Variants in TGM5 observed in about 807,000 individuals in gnomAD.
TGM5 encodes the protein protein-glutamine gamma-glutamyltransferase 5.
A neutral mutation model predicts 77.2 loss-of-function variants in TGM5; 69 were observed. The ratio of observed to expected loss-of-function variants is 0.89; its 90% CI spans 0.74 to 1.09. The LOEUF is 1.09. Among genes scored for constraint, TGM5 ranks in the 50% least tolerant of loss-of-function variants. TGM5 has a pLI of 0.00. For synonymous variants in TGM5, 346 were observed against 351.8 expected, an observed-to-expected ratio of 0.98 and a Z score of 0.18; for missense variants, 842 against 896.5, an observed-to-expected ratio of 0.94 and a Z score of 0.78.
At position 43,246,900 on chromosome 15, in the gene TGM5, T is replaced by C. The variant is rs192075926; in HGVS notation, c.862+5859A>G. On this transcript the variant is annotated intron_variant, in intron 6 of 12. Coordinates refer to ENST00000220420, the MANE Select transcript of TGM5 (RefSeq NM_201631.4). The stretch of plus-strand genomic sequence containing the variant: ...TAGTGGGGCTAAATTAAGCTTAGGG[T>C]AAAGACTGCTCTGGAGCCATCATAA... Among the ~76,000 whole-genome samples the C allele has an allele frequency of 1.2e-3, 179 of 152,094 alleles. 1 individual carries two copies. The highest frequency in any genetic ancestry group is 2.2e-4 in the Non-Finnish European group (15 of 67,988).
At chr15:43,255,913 G>A (rs1292603850) in intron 4 of TGM5, among the ~76,000 whole-genome samples, 1 of 152,230 alleles carries the variant, frequency 6.6e-6, no homozygotes, top group African/African-American at 2.4e-5. Flanking sequence ...AAAACAAAAT[G>A]TAGAGGAACA....
At position 43,234,575 on chromosome 15, in the gene TGM5, CATAG is replaced by C. The variant is rs537696595; in HGVS notation, c.1875+190_1875+193del. Among the ~76,000 whole-genome samples the C allele has an allele frequency of 4.1e-4, 63 of 152,320 alleles. No homozygotes were observed. In the South Asian group the frequency reaches 0.012, roughly 30 times the overall value. On this transcript the variant is annotated intron_variant, in intron 11 of 12. Coordinates refer to ENST00000220420, the MANE Select transcript of TGM5 (RefSeq NM_201631.4). ...CATGGCACCTGCTCAAGGACCCATCCATAGGGCCTCTAGTGAGTGGTGCAAGAGG... is the reference window on the plus strand; with the variant it reads ...CATGGCACCTGCTCAAGGACCCATCCGGCCTCTAGTGAGTGGTGCAAGAGG...
Position 43,250,267 on chromosome 15 carries a change from CTCA to C in TGM5, c.862+2489_862+2491del, listed in dbSNP as rs2042695249. ...GACCCTAACTGATGCTTCCTGAACACTCACTATAGCCAGGCACTATTCTAAGCA... is the reference window on the plus strand; with the variant it reads ...GACCCTAACTGATGCTTCCTGAACACCTATAGCCAGGCACTATTCTAAGCA... On this transcript the variant is annotated intron_variant, in intron 6 of 12. Transcript: ENST00000220420. Among the ~76,000 whole-genome samples the C allele has an allele frequency of 2.6e-5, 4 of 152,192 alleles. No homozygotes were observed. In the South Asian group the frequency reaches 6.2e-4, roughly 24 times the overall value.
At chr15:43,253,461 C>CAGCG (rs1395259700) in intron 5 of TGM5, 45 bp downstream of exon 5, 7 of 1,604,582 alleles carry the variant, frequency 4.4e-6, no homozygotes, top group Admixed American at 1.7e-5. Context: ...GGCAGGGCTC[C>CAGCG]CGCTGCACAG....
chr15:43,258,497 C>T (rs1324024789), intron 3 of TGM5, among the ~76,000 whole-genome samples: 1 of 152,210 alleles, frequency 6.6e-6, no homozygotes, highest in Non-Finnish European at 1.5e-5. Context: ...CTCTGTCTGA[C>T]CCTGAGGGAA....
chr15:43,234,889 G>T lies in TGM5; in HGVS notation c.1755C>A (p.Ser585Arg). 2 of 1,614,194 alleles carry T rather than the reference G, an allele frequency of 1.2e-6. No individual in the cohort carries two copies. Among genetic ancestry groups the T allele is most frequent in the Non-Finnish European group, 1.7e-6 (2 of 1,180,022 alleles). ...YPCKISYSQY[S>R]QYLSTDKLIR... ...TCAGCTTGTCTGTTGACAGGTACTG[G>T]CTGTACTGGGAATAGGAGATTTTGC... The change falls in exon 11 of 13, where the codon AGC (serine) becomes AGA (arginine). Residue 585 changes from serine (S) to arginine (R), a missense_variant. Transcript: ENST00000220420.
intron 9 of TGM5, 140 bp downstream of exon 9, chr15:43,238,677 C>T: frequency 7.3e-7 from 1 of 1,364,652 alleles, no homozygotes; most frequent in Non-Finnish European, 1.0e-6. Flanking sequence ...TGTGAGGCCA[C>T]CCCAACTGGG....
At chr15:43,256,942 C>G (rs894790244) in intron 3 of TGM5, among the ~76,000 whole-genome samples, 10 of 152,186 alleles carry the variant, frequency 6.6e-5, no homozygotes, top group African/African-American at 2.4e-4. Context: ...TACATCCTAT[C>G]CCCATTTTAA....
chr15:43,249,916 G>T (rs2042693145), intron 6 of TGM5, among the ~76,000 whole-genome samples: 1 of 152,248 alleles, frequency 6.6e-6, no homozygotes, highest in Non-Finnish European at 1.5e-5. Flanking sequence ...GAGGGGAGAT[G>T]CATGTCTGAG....
intron 3 of TGM5, among the ~76,000 whole-genome samples, chr15:43,257,409 A>C (rs990696110): frequency 1.3e-5 from 2 of 152,240 alleles, no homozygotes; most frequent in Non-Finnish European, 2.9e-5. Context: ...ATTTTTATAC[A>C]TATACACATA....
intron 7 of TGM5, among the ~76,000 whole-genome samples, chr15:43,239,899 C>T (rs1035716824): frequency 1.1e-4 from 16 of 152,124 alleles, no homozygotes; most frequent in Non-Finnish European, 2.4e-4. Context: ...GAGGTAAGGC[C>T]GTCCTGTGGT....
At chr15:43,251,731 T>G (rs2042704777) in intron 6 of TGM5, among the ~76,000 whole-genome samples, 1 of 152,154 alleles carries the variant, frequency 6.6e-6, no homozygotes, top group Non-Finnish European at 1.5e-5. Context: ...GCCTCCTCCT[T>G]TCACCTCCAT....
Position 43,252,914 on chromosome 15 carries a change from C to G in TGM5, c.707G>C (p.Gly236Ala), listed in dbSNP as rs144638889. The change falls in exon 6 of 13, where the codon GGG becomes GCG. Residue 236 changes from glycine (G) to alanine (A), a missense_variant. Around this residue, in one of 2 missense-constraint regions of TGM5, gnomAD observed 815 missense variants for 844.6 expected, o/e 0.96. Transcript: ENST00000220420. The stretch of plus-strand genomic sequence containing the variant: ...CTCACTCCAGTTTCCATTGAGCACC[C>G]CATTATCATCATTGCTGTTGATCTG... ...CAMINSNDDN[G>A]VLNGNWSENY... 1.2e-6 allele frequency: 2 copies of G among 1,613,514 alleles called. No individual in the cohort carries two copies. The highest frequency in any genetic ancestry group is 1.3e-5 in the African/African-American group (1 of 75,022).
chr15:43,260,187 C>G lies in TGM5; in HGVS notation c.301G>C (p.Glu101Gln). 1 of 1,614,100 alleles carries G rather than the reference C, an allele frequency of 6.2e-7. No individual in the cohort carries two copies. The highest frequency in any genetic ancestry group is 8.5e-7 in the Non-Finnish European group (1 of 1,180,040). The change falls in exon 3 of 13, where the codon GAG becomes CAG. Residue 101 changes from glutamate (E) to glutamine (Q), a missense_variant. By Grantham distance (29) the Glu-to-Gln change is conservative. Coordinates refer to ENST00000220420, the MANE Select transcript of TGM5 (RefSeq NM_201631.4). Reference sequence around the variant, plus strand: ...GTGGGAGGAGCGCACAAGCTCACCTCTGTGGAGGTGGCCCCATTGGTCTCC... The same window carrying G: ...GTGGGAGGAGCGCACAAGCTCACCTGTGTGGAGGTGGCCCCATTGGTCTCC... ...WLETNGATSTEVSLCAPPTAA... is the reference protein window; with the variant it reads ...WLETNGATSTQVSLCAPPTAA...
At chr15:43,235,906 A>C (rs889896264) in intron 9 of TGM5, 69 bp from the exon 10 acceptor site, 9 of 1,599,926 alleles carry the variant, frequency 5.6e-6, no homozygotes, top group Non-Finnish European at 7.6e-6. Flanking sequence ...GCTGAGCGCC[A>C]TCCCCCACCC....
chr15:43,253,778 C>G, intron 4 of TGM5, 144 bp from the exon 5 acceptor site: 1 of 1,151,358 alleles, frequency 8.7e-7, no homozygotes, highest in Non-Finnish European at 1.3e-6. Flanking sequence ...TGAATTCCCT[C>G]CCATTCAGGT....
At chr15:43,239,292 C>A in intron 7 of TGM5, 26 bp from the exon 8 acceptor site, 1 of 1,609,236 alleles carries the variant, frequency 6.2e-7, no homozygotes, top group Non-Finnish European at 8.5e-7. Context: ...CCAAGGGAGA[C>A]GTTGTACTGC....
At chr15:43,245,901 G>A (rs531977424) in intron 6 of TGM5, among the ~76,000 whole-genome samples, 4 of 125,320 alleles carry the variant, frequency 3.2e-5, no homozygotes, top group South Asian at 2.9e-4. Flanking sequence ...GTGTGTGTTG[G>A]GGGGGGGGGT....
intron 3 of TGM5, among the ~76,000 whole-genome samples, chr15:43,258,272 C>CCT (rs2042757690): frequency 6.6e-6 from 1 of 151,506 alleles, no homozygotes; most frequent in African/African-American, 2.4e-5. Flanking sequence ...AGAAAAACTA[C>CCT]CTGTTGGGTA....
Sources: allele counts gnomAD v4.1 joint callset (sites outside exome capture counted in the v4.1 genomes callset), GRCh38; gene constraint gnomAD v4.1.1; regional missense constraint gnomAD v4.1.1; transcripts MANE v1.5; gene names NCBI Gene and HGNC (gene_info 2026-07-23, HGNC 2026-07-21).